Variants in CALU observed in about 807,000 individuals in gnomAD.
CALU encodes the protein calumenin.
CALU carries 13 observed loss-of-function variants against 37.5 expected under a neutral mutation model. The ratio of observed to expected loss-of-function variants is 0.35; its 90% CI spans 0.23 to 0.55. The LOEUF (loss-of-function observed/expected upper bound fraction) is 0.55. CALU is among the 20% of genes least tolerant of loss of function. The probability of loss-of-function intolerance (pLI) is 0.89; values close to 1 mark genes in which losing one functional copy is unlikely to be tolerated. For synonymous variants in CALU, 114 were observed against 133.8 expected, an observed-to-expected ratio of 0.85 and a Z score of 1.02; for missense variants, 282 against 391.7, an observed-to-expected ratio of 0.72 and a Z score of 2.36.
chr7:128,739,959 TGAC>T (rs1434348658), intron 1 of CALU, among the ~76,000 whole-genome samples: 1 of 152,104 alleles, frequency 6.6e-6, no homozygotes, highest in African/African-American at 2.4e-5. Context: ...AGAGAACGAG[TGAC>T]GACACTAGGT....
chr7:128,769,339 A>G lies in CALU; in HGVS notation c.*172A>G. On this transcript the variant is annotated 3_prime_UTR_variant, in exon 7 of 7. Transcript: ENST00000249364. ...CCTCCTCTCTGAGGGACTGGAGGGAAGCCGTGCTTCTGAGGAACAACTCTA... is the reference window on the plus strand; with the variant it reads ...CCTCCTCTCTGAGGGACTGGAGGGAGGCCGTGCTTCTGAGGAACAACTCTA... 1 of 511,436 alleles carries G rather than the reference A, an allele frequency of 2.0e-6. No individual in the cohort carries two copies. The highest frequency in any genetic ancestry group is 2.6e-5 in the South Asian group (1 of 38,092). The allele number at this position is 511,436 out of a possible 1,614,324, so 31.7% of individuals were successfully genotyped here. A position where few individuals can be genotyped will look rare whatever the true frequency, so the allele number is the denominator to read the frequency against.
At chr7:128,755,981 C>T (rs138668902) in intron 3 of CALU, among the ~76,000 whole-genome samples, 224 of 152,298 alleles carry the variant, frequency 1.5e-3, no homozygotes, top group African/African-American at 5.2e-3. Context: ...GGTGAAGAGA[C>T]TTTTATTTCT....
chr7:128,751,517 A>G (rs986266903), intron 2 of CALU, among the ~76,000 whole-genome samples: 39 of 152,208 alleles, frequency 2.6e-4, no homozygotes, highest in African/African-American at 8.9e-4. Flanking sequence ...GCTTGAGCTC[A>G]GGAGTTCGAG....
chr7:128,765,673 A>G (rs1283981548), intron 5 of CALU, among the ~76,000 whole-genome samples: 1 of 152,258 alleles, frequency 6.6e-6, no homozygotes, highest in Non-Finnish European at 1.5e-5. Flanking sequence ...ATTGAACAAA[A>G]TAACATTTAT....
chr7:128,750,837 A>G (rs1315694930), intron 2 of CALU, among the ~76,000 whole-genome samples: 1 of 152,206 alleles, frequency 6.6e-6, no homozygotes, highest in Non-Finnish European at 1.5e-5. Context: ...GACTTTTTGA[A>G]ATCTTTAATA....
intron 2 of CALU, among the ~76,000 whole-genome samples, chr7:128,749,924 C>T (rs1800595180): frequency 6.6e-6 from 1 of 152,076 alleles, no homozygotes; most frequent in Non-Finnish European, 1.5e-5. Context: ...ACTAACATTC[C>T]AGGCTGAAAA....
Position 128,765,634 on chromosome 7 carries a change from TAA to T in CALU, c.644-1821_644-1820del, listed in dbSNP as rs1473230423. Among the ~76,000 whole-genome samples, 3 of 152,390 alleles carry T rather than the reference TAA, an allele frequency of 2.0e-5. No individual in the cohort carries two copies. The East Asian group carries it at 5.8e-4, about 29-fold the overall frequency. On this transcript the variant is annotated intron_variant, in intron 5 of 6. Transcript: ENST00000249364. ...TAAGTGTTTTTAGAGTCTTCTGTGTTAAGTTACTATTACAATTATTAATACAC... is the reference window on the plus strand; with the variant it reads ...TAAGTGTTTTTAGAGTCTTCTGTGTTGTTACTATTACAATTATTAATACAC...
intron 5 of CALU, among the ~76,000 whole-genome samples, chr7:128,766,995 C>T (rs192668888): frequency 6.6e-6 from 1 of 152,182 alleles, no homozygotes; most frequent in Non-Finnish European, 1.5e-5. Context: ...ACTGACCTTT[C>T]TCAGTGTACT....
In CALU at chr7:128,769,809, CT is replaced by C. The variant is rs1801489873; in HGVS notation, c.*643del. The stretch of plus-strand genomic sequence containing the variant: ...CAAATTGATTTTCTTCTTTTTCCCC[CT>C]GTAGGACTGACTGTTGGCTAATTTT... On this transcript the variant is annotated 3_prime_UTR_variant, in exon 7 of 7. Transcript: ENST00000249364. 2 of 152,220 alleles carry C rather than the reference CT, an allele frequency of 1.3e-5. No individual in the cohort carries two copies. The highest frequency in any genetic ancestry group is 4.8e-5 in the African/African-American group (2 of 41,444). 9.4% of individuals were successfully genotyped at this position (152,220 alleles called of 1,614,324 possible).
chr7:128,760,684 G>A (rs1186114745), intron 5 of CALU, among the ~76,000 whole-genome samples: 3 of 152,132 alleles, frequency 2.0e-5, no homozygotes, highest in African/African-American at 2.4e-5. Flanking sequence ...CGAGGCGGGC[G>A]GATCACAAGG....
chr7:128,751,395 A>G (rs750205401), intron 2 of CALU, among the ~76,000 whole-genome samples: 6 of 151,964 alleles, frequency 3.9e-5, no homozygotes, highest in Non-Finnish European at 7.4e-5. Flanking sequence ...AGTCTAATGA[A>G]AGCTAAGGAC....
chr7:128,746,162 T>C lies in CALU; in HGVS notation c.-11-2411T>C, dbSNP rs571564692. ...GATAGATGCATCTCGTTCTTTTTTT[T>C]TTTTTACATTCTTTTTTTTGAGGAA... On this transcript the variant is annotated intron_variant, in intron 1 of 6. Coordinates refer to ENST00000249364, the MANE Select transcript of CALU (RefSeq NM_001219.5). Among the ~76,000 whole-genome samples the C allele has an allele frequency of 7.0e-4, 106 of 152,300 alleles. No homozygotes were observed. In the South Asian group the frequency reaches 0.022, roughly 31 times the overall value.
Position 128,748,819 on chromosome 7 carries a change from C to T in CALU, c.221+15C>T, listed in dbSNP as rs746121507. 1.3e-6 allele frequency: 2 copies of T among 1,541,874 alleles called. No homozygotes were observed. ...GAAAGGCTTGGGTAAGGTACCACCT[C>T]TCAGGGGTCTAGTGTGGGTAATGAC... On this transcript the variant is annotated intron_variant, in intron 2 of 6. Coordinates refer to ENST00000249364, the MANE Select transcript of CALU (RefSeq NM_001219.5).
chr7:128,767,485 G>A lies in CALU; in HGVS notation c.673G>A (p.Asp225Asn). ...CATGTACAGCCATGATGGGAATACT[G>A]ATGAGCCAGAATGGGTAAAGACAGA... ...GDMYSHDGNT[D>N]EPEWVKTERE... Residue 225 changes from aspartate (D) to asparagine (N), a missense_variant, in exon 6 of 7, where the codon GAT becomes AAT. Transcript: ENST00000249364. The A allele has an allele frequency of 1.9e-6, 3 of 1,614,020 alleles. No individual in the cohort carries two copies. The highest frequency in any genetic ancestry group is 2.5e-6 in the Non-Finnish European group (3 of 1,179,896).
At chr7:128,754,638 A>C in intron 3 of CALU, 183 bp downstream of exon 3, 1 of 1,552,244 alleles carries the variant, frequency 6.4e-7, no homozygotes, top group Non-Finnish European at 8.7e-7. Flanking sequence ...CAATGTTGAA[A>C]ACCAATGGCA....
chr7:128,745,733 A>G (rs1485470175), intron 1 of CALU, among the ~76,000 whole-genome samples: 1 of 152,140 alleles, frequency 6.6e-6, no homozygotes, highest in Non-Finnish European at 1.5e-5. Flanking sequence ...AACTGATTTG[A>G]TTGATCAGTT....
chr7:128,761,294 A>T (rs1411757283), intron 5 of CALU: 1 of 152,056 alleles, frequency 6.6e-6, no homozygotes, highest in Non-Finnish European at 1.5e-5. Context: ...AGTTGAGCAA[A>T]TTGTTTCCCA....
chr7:128,761,983 C>G (rs1402187739), intron 5 of CALU, among the ~76,000 whole-genome samples: 3 of 151,648 alleles, frequency 2.0e-5, no homozygotes, highest in African/African-American at 7.3e-5. Context: ...CAGTGGCATA[C>G]TTTGAACTTT....
rs1407999379 is a variant in CALU, at chr7:128,772,489, T to C, written c.*3322T>C. On this transcript the variant is annotated 3_prime_UTR_variant, in exon 7 of 7. Coordinates refer to ENST00000249364, the MANE Select transcript of CALU (RefSeq NM_001219.5). ...TCTGACGGAGACAATAGAAACTTAC[T>C]TAAAAGTAAAATTTAATTCTAGCTG... is the stretch of plus-strand genomic sequence containing the variant. 5 of 1,612,026 alleles carry C rather than the reference T, an allele frequency of 3.1e-6. No individual in the cohort carries two copies. The highest frequency in any genetic ancestry group is 3.4e-6 in the Non-Finnish European group (4 of 1,178,410).
Sources: gnomAD v4.1 joint callset for allele counts (sites outside exome capture counted in the v4.1 genomes callset) on GRCh38, gnomAD v4.1.1 for gene constraint, MANE v1.5 for transcripts, NCBI Gene and HGNC (gene_info 2026-07-23, HGNC 2026-07-21) for gene names.